Variants in DNMT3A observed in about 807,000 individuals in gnomAD.
DNMT3A encodes DNA (cytosine-5)-methyltransferase 3A.
Under a neutral mutation model 117.6 loss-of-function variants are expected in DNMT3A, and 267 were observed. The ratio of observed to expected loss-of-function variants is 2.27; its 90% CI spans 2.05 to 2.51. The LOEUF (loss-of-function observed/expected upper bound fraction) is 2.51. Ranked by LOEUF, DNMT3A falls within the 30% of genes most tolerant of loss-of-function variation. The probability of loss-of-function intolerance (pLI) is 0.00; values close to 1 mark genes in which losing one functional copy is unlikely to be tolerated. For missense variants in DNMT3A, 1,029 were observed against 1,260.2 expected, an observed-to-expected ratio of 0.82 and a Z score of 2.78; for synonymous variants, 432 against 474.8, an observed-to-expected ratio of 0.91 and a Z score of 1.17.
At position 25,230,424 on chromosome 2, in the gene DNMT3A, G is replaced by GC. The variant is rs1165652060; in HGVS notation, c.*3854dup. The GC allele has an allele frequency of 2.6e-5, 4 of 152,256 alleles. No homozygotes were observed. The highest frequency in any genetic ancestry group is 5.9e-5 in the Non-Finnish European group (4 of 68,070). 9.4% of individuals were successfully genotyped at this position (152,256 alleles called of 1,614,324 possible). A position where few individuals can be genotyped will look rare whatever the true frequency, so the allele number is the denominator to read the frequency against. Reference sequence around the variant, plus strand: ...TCTCTTTGGCATCATGCGCCACCTGGCACCTGCAGGGGAAGCTGTCATCAG... The same window carrying GC: ...TCTCTTTGGCATCATGCGCCACCTGGCCACCTGCAGGGGAAGCTGTCATCAG... On this transcript the variant is annotated 3_prime_UTR_variant, in exon 23 of 23. Coordinates refer to ENST00000321117, the MANE Select transcript of DNMT3A (RefSeq NM_022552.5).
chr2:25,313,797 C>T (rs764855608), intron 2 of DNMT3A, 116 bp downstream of exon 2: 30 of 1,473,276 alleles, frequency 2.0e-5, no homozygotes, highest in Middle Eastern at 2.4e-4. Flanking sequence ...CACACCCTGT[C>T]GTGAGCACTG....
Position 25,286,601 on chromosome 2 carries a change from C to T in DNMT3A, c.178-3890G>A, listed in dbSNP as rs906365609. On this transcript the variant is annotated intron_variant, in intron 3 of 22. Coordinates refer to ENST00000321117, the MANE Select transcript of DNMT3A (RefSeq NM_022552.5). This position sits in a 1 kb window ranked among gnomAD's most constrained non-coding sequence, Gnocchi z 4.3. The stretch of plus-strand genomic sequence containing the variant: ...TCAACCCTTGATTCATCCTACCCAT[C>T]AAGAACTCCCTCAAGCTAAGTGTGG... Among the ~76,000 whole-genome samples, 1 of 152,242 alleles carries T rather than the reference C, an allele frequency of 6.6e-6. No individual in the cohort carries two copies. The highest frequency in any genetic ancestry group is 2.4e-5 in the African/African-American group (1 of 41,458).
rs1573357764 is a variant in DNMT3A, at chr2:25,252,238, A to G, written c.640-3986T>C. 1 of 1,479,398 alleles carries G rather than the reference A, an allele frequency of 6.8e-7. No homozygotes were observed. The highest frequency in any genetic ancestry group is 1.5e-5 in the African/African-American group (1 of 67,094). 91.6% of individuals were successfully genotyped at this position (1,479,398 alleles called of 1,614,324 possible). On this transcript the variant is annotated intron_variant, in intron 6 of 22. Transcript: ENST00000321117. The surrounding 1 kb of genome is among the most constrained non-coding windows in gnomAD (Gnocchi z 5.5). ...CCCTCTGCAGTCGCGCTCAGGTGTG[A>G]GCCGCGGCCCTGAAGCTCTGGAAGT...
intron 6 of DNMT3A, among the ~76,000 whole-genome samples, chr2:25,262,035 C>A (rs1676659637): frequency 6.6e-6 from 1 of 151,816 alleles, no homozygotes; most frequent in South Asian, 2.1e-4. Context: ...ACTAAAAATA[C>A]AAAAATTAGC....
intron 16 of DNMT3A, among the ~76,000 whole-genome samples, chr2:25,243,125 T>C (rs953580701): frequency 6.6e-6 from 1 of 151,938 alleles, no homozygotes; most frequent in Non-Finnish European, 1.5e-5. Context: ...GCCAACACGG[T>C]GAAACACCGT....
chr2:25,301,519 C>G (rs1420692553), intron 2 of DNMT3A, among the ~76,000 whole-genome samples: 2 of 152,192 alleles, frequency 1.3e-5, no homozygotes, highest in African/African-American at 4.8e-5. Context: ...CTCCCCGCCC[C>G]TCACATAACA....
chr2:25,299,939 A>C (rs2033333913), intron 3 of DNMT3A, among the ~76,000 whole-genome samples, 200 bp downstream of exon 3: 1 of 152,076 alleles, frequency 6.6e-6, no homozygotes, highest in Non-Finnish European at 1.5e-5. Flanking sequence ...TCAGTAAAAA[A>C]GTAAATAAAT....
Position 25,337,652 on chromosome 2 carries a change from A to G in DNMT3A, c.-178+4174T>C, listed in dbSNP as rs2149453416. Among the ~76,000 whole-genome samples, 1 of 152,290 alleles carries G rather than the reference A, an allele frequency of 6.6e-6. No individual in the cohort carries two copies. Among genetic ancestry groups the G allele is most frequent in the South Asian group, 2.1e-4 (1 of 4,828 alleles). On this transcript the variant is annotated intron_variant, in intron 1 of 22. Transcript: ENST00000321117. The surrounding 1 kb of genome is among the most constrained non-coding windows in gnomAD (Gnocchi z 5.0). ...GCGGCACACCACGTACACACACATC[A>G]TGCACAGACACATGTGCACTGAACC...
rs201303671 is a variant in DNMT3A at position 25,237,700 on chromosome 2, G to A, written c.2409-695C>T. Among the ~76,000 whole-genome samples the A allele has an allele frequency of 1.5e-4, 23 of 152,142 alleles. No individual in the cohort carries two copies. In the East Asian group the frequency reaches 3.9e-3, roughly 26 times the overall value. On this transcript the variant is annotated intron_variant, in intron 20 of 22. Coordinates refer to ENST00000321117, the MANE Select transcript of DNMT3A (RefSeq NM_022552.5). This position sits in a 1 kb window ranked among gnomAD's most constrained non-coding sequence, Gnocchi z 5.4. ...GAATCGCTTGAACCTGGGAGGCGGA[G>A]GCTGCAGTGAGCCAGGATGGCACCA... is the stretch of plus-strand genomic sequence containing the variant.
At chr2:25,265,520 G>C (rs565916448) in intron 6 of DNMT3A, among the ~76,000 whole-genome samples, 1 of 152,208 alleles carries the variant, frequency 6.6e-6, no homozygotes, top group East Asian at 1.9e-4. Context: ...CAAAATACAG[G>C]TTAAAAAAAT....
At chr2:25,317,838 C>T (rs961112701) in intron 1 of DNMT3A, among the ~76,000 whole-genome samples, 11 of 151,980 alleles carry the variant, frequency 7.2e-5, no homozygotes, top group African/African-American at 2.4e-4. Flanking sequence ...CGGGTTCAAG[C>T]GATTCTCCTG....
At chr2:25,266,736 T>C (rs765930927) in intron 6 of DNMT3A, among the ~76,000 whole-genome samples, 4 of 152,162 alleles carry the variant, frequency 2.6e-5, no homozygotes, top group Admixed American at 6.5e-5. Context: ...AAATGCCAAT[T>C]AAAAGCATAA....
intron 1 of DNMT3A, among the ~76,000 whole-genome samples, chr2:25,316,370 C>T (rs1394602200): frequency 6.6e-6 from 1 of 152,226 alleles, no homozygotes; most frequent in African/African-American, 2.4e-5. Flanking sequence ...CCTTCCTCCA[C>T]CCAAGACTCT....
chr2:25,235,920 C>G, intron 21 of DNMT3A, 95 bp from the exon 22 acceptor site: 2 of 1,138,664 alleles, frequency 1.8e-6, no homozygotes, highest in South Asian at 1.2e-5. Flanking sequence ...CTCGCCAAAC[C>G]CTGACAGGGC....
At position 25,298,271 on chromosome 2, in the gene DNMT3A, G is replaced by A. The variant is rs2033213793; in HGVS notation, c.177+1868C>T. On this transcript the variant is annotated intron_variant, in intron 3 of 22. Transcript: ENST00000321117. This position sits in a 1 kb window ranked among gnomAD's most constrained non-coding sequence, Gnocchi z 4.3. ...AGCGTGCTTCAGGCCAGGGGATGTA[G>A]GACTGCCGGCCCCTCTCCCCTCACT... Among the ~76,000 whole-genome samples the A allele has an allele frequency of 6.6e-6, 1 of 152,160 alleles. No homozygotes were observed. Among genetic ancestry groups the A allele is most frequent in the African/African-American group, 2.4e-5 (1 of 41,428 alleles).
rs1034561253 is a variant in DNMT3A, at chr2:25,247,262, G to T, written c.1015-104C>A. ...CTGGGAGCCTCGAGAGTCAGTCTCA[G>T]CCCTGGAGGGGACCAGATACAGTGA... On this transcript the variant is annotated intron_variant, in intron 8 of 22. Transcript: ENST00000321117. This position sits in a 1 kb window ranked among gnomAD's most constrained non-coding sequence, Gnocchi z 5.6. The T allele has an allele frequency of 1.8e-5, 20 of 1,136,534 alleles. No homozygotes were observed. Among genetic ancestry groups the T allele is most frequent in the Non-Finnish European group, 2.3e-5 (18 of 774,908 alleles). 70.4% of individuals were successfully genotyped at this position (1,136,534 alleles called of 1,614,324 possible). A position where few individuals can be genotyped will look rare whatever the true frequency, so the allele number is the denominator to read the frequency against.
intron 14 of DNMT3A, 52 bp from the exon 15 acceptor site, chr2:25,244,390 G>A (rs2149290642): frequency 6.4e-7 from 1 of 1,568,634 alleles, no homozygotes; most frequent in Non-Finnish European, 8.7e-7. Flanking sequence ...GTCCGGGGAG[G>A]CCAAGGTGTG....
intron 6 of DNMT3A, among the ~76,000 whole-genome samples, chr2:25,255,743 G>A (rs147046334): frequency 4.6e-4 from 70 of 152,320 alleles, no homozygotes; most frequent in African/African-American, 1.5e-3. Context: ...GCAAGGACAT[G>A]TCCTGTTATC....
At chr2:25,264,157 T>TTTTTTTTTTTTTTTA (rs2029993964) in intron 6 of DNMT3A, among the ~76,000 whole-genome samples, 2 of 145,014 alleles carry the variant, frequency 1.4e-5, no homozygotes, top group South Asian at 2.2e-4. Flanking sequence ...TTTTTTTTTT[T>TTTTTTTTTTTTTTTA]GAGACAAGGT....
Sources: gnomAD v4.1 joint callset for allele counts (sites outside exome capture counted in the v4.1 genomes callset) on GRCh38, gnomAD v4.1.1 for gene constraint, Gnocchi (gnomAD v3.1) non-coding constraint, MANE v1.5 for transcripts, NCBI Gene and HGNC (gene_info 2026-07-23, HGNC 2026-07-21) for gene names.